Variants in MYT1L observed in about 807,000 individuals in gnomAD.
MYT1L encodes the protein myelin transcription factor 1 like.
MYT1L carries 12 observed loss-of-function variants against 126.7 expected under a neutral mutation model. That is an observed-to-expected ratio of 0.09 (90% CI 0.06 to 0.15). MYT1L has a LOEUF of 0.15. Ranked by LOEUF, MYT1L falls within the 10% of genes least tolerant of loss-of-function variation. MYT1L has a pLI of 1.00. For missense variants in MYT1L, 979 were observed against 1,585.2 expected (o/e 0.62, Z 6.49); for synonymous variants, 541 against 604.2 (o/e 0.90, Z 1.53).
chr2:2,208,855 C>G (rs1386048947), intron 2 of MYT1L, among the ~76,000 whole-genome samples: 1 of 152,168 alleles, frequency 6.6e-6, no homozygotes, highest in Non-Finnish European at 1.5e-5. Context: ...TAAACCTATA[C>G]ATTGGTTACT....
intron 8 of MYT1L, among the ~76,000 whole-genome samples, chr2:1,945,494 C>T (rs1438457583): frequency 4.0e-5 from 6 of 151,874 alleles, no homozygotes; most frequent in African/African-American, 1.4e-4. Flanking sequence ...TGGGAGAGAG[C>T]GTGAGAGCAG....
rs1197503985 is a variant in MYT1L at position 1,829,328 on chromosome 2, C to T, written c.3080+9821G>A. Reference sequence around the variant, plus strand: ...TCCCATACACCTGTGAACTGACCCTCCCATACACCTGTGAACTGACCCTCC... The same window carrying T: ...TCCCATACACCTGTGAACTGACCCTTCCATACACCTGTGAACTGACCCTCC... On this transcript the variant is annotated intron_variant, in intron 21 of 24. Transcript: ENST00000647738. 5.6e-5 allele frequency among the ~76,000 whole-genome samples: 7 copies of T among 124,206 alleles called. No homozygotes were observed. The East Asian group carries it at 1.5e-3, about 27-fold the overall frequency. 81.5% of individuals were successfully genotyped at this position (124,206 alleles called of 152,430 possible).
At chr2:2,287,442 A>C (rs2095538985) in intron 1 of MYT1L, among the ~76,000 whole-genome samples, 1 of 152,244 alleles carries the variant, frequency 6.6e-6, no homozygotes, top group Non-Finnish European at 1.5e-5. Flanking sequence ...TTCTGGACGT[A>C]AGACCTGTTC....
At chr2:1,884,236 A>G (rs1042961177) in intron 18 of MYT1L, 1 of 152,260 alleles carries the variant, frequency 6.6e-6, no homozygotes, top group African/African-American at 2.4e-5. Context: ...TTTATGAACG[A>G]TTAGAGACTG....
intron 21 of MYT1L, among the ~76,000 whole-genome samples, chr2:1,821,469 T>A (rs2038515752): frequency 6.6e-6 from 1 of 152,240 alleles, no homozygotes; most frequent in Non-Finnish European, 1.5e-5. Context: ...ATGAATACAA[T>A]ATATTTTAAT....
In MYT1L at chr2:1,938,943, T is replaced by C. The variant is rs545814442; in HGVS notation, c.505+4039A>G. Among the ~76,000 whole-genome samples the C allele has an allele frequency of 4.6e-5, 7 of 152,364 alleles. No individual in the cohort carries two copies. The South Asian group carries it at 1.4e-3, about 32-fold the overall frequency. ...GTAATAATCTGGGGGTTTGTATACA[T>C]TTGTTTTATCTGAAACAAAACCTCT... On this transcript the variant is annotated intron_variant, in intron 9 of 24. Transcript: ENST00000647738.
chr2:2,254,852 CTACT>C (rs1192238105), intron 2 of MYT1L, among the ~76,000 whole-genome samples: 1 of 152,296 alleles, frequency 6.6e-6, no homozygotes, highest in East Asian at 1.9e-4. Flanking sequence ...ACAGCCCCAA[CTACT>C]TCCCATTTTT....
At position 1,887,451 on chromosome 2, in the gene MYT1L, T is replaced by C. The variant is rs772452102; in HGVS notation, c.2642+37A>G. The C allele has an allele frequency of 1.2e-6, 2 of 1,613,748 alleles. No homozygotes were observed. The highest frequency in any genetic ancestry group is 8.5e-7 in the Non-Finnish European group (1 of 1,179,698). On this transcript the variant is annotated intron_variant, in intron 17 of 24. Coordinates refer to ENST00000647738, the MANE Select transcript of MYT1L (RefSeq NM_001303052.2). The surrounding 1 kb of genome is among the most constrained non-coding windows in gnomAD (Gnocchi z 4.8). ...AAAATCAGCCAAAGAATGGGAAGAT[T>C]AAGAAGATTCATAATTTCACCTCAC...
At chr2:2,019,131 A>G (rs2064761274) in intron 4 of MYT1L, among the ~76,000 whole-genome samples, 3 of 152,078 alleles carry the variant, frequency 2.0e-5, no homozygotes, top group Admixed American at 1.3e-4. Context: ...CCCCACCCAA[A>G]TCTCATCTTG....
intron 2 of MYT1L, among the ~76,000 whole-genome samples, chr2:2,268,842 G>T (rs1222348606): frequency 6.6e-6 from 1 of 152,126 alleles, no homozygotes; most frequent in African/African-American, 2.4e-5. Context: ...TTAGTTATTA[G>T]CCTAAGTAAA....
rs185583700 is a variant in MYT1L at position 2,159,119 on chromosome 2, A to T, written c.-304+13753T>A. On this transcript the variant is annotated intron_variant, in intron 3 of 24. Coordinates refer to ENST00000647738, the MANE Select transcript of MYT1L (RefSeq NM_001303052.2). ...GCTGTAGCAATCAGCCGGCACGGGG[A>T]CATGTGAAGAGCTCCTGAGACTCCC... Among the ~76,000 whole-genome samples the T allele has an allele frequency of 5.3e-4, 80 of 152,202 alleles. 2 individuals are homozygous for T. Among genetic ancestry groups the T allele is most frequent in the Admixed American group, 2.0e-3 (30 of 15,284 alleles).
At chr2:1,902,019 C>T (rs1026524686) in intron 14 of MYT1L, among the ~76,000 whole-genome samples, 3 of 152,180 alleles carry the variant, frequency 2.0e-5, no homozygotes, top group Admixed American at 6.5e-5. Context: ...TTTCCTTCCC[C>T]TGTGCTAGAG....
chr2:1,948,938 T>G (rs754966165), intron 8 of MYT1L, among the ~76,000 whole-genome samples: 1 of 147,112 alleles, frequency 6.8e-6, no homozygotes, highest in Non-Finnish European at 1.5e-5. Context: ...TATTTTTATA[T>G]CTTTAGGATA....
chr2:2,123,321 TGTGA>T (rs922729317), intron 3 of MYT1L, among the ~76,000 whole-genome samples: 3 of 152,200 alleles, frequency 2.0e-5, no homozygotes, highest in Admixed American at 6.5e-5. Context: ...GGATAAAGTA[TGTGA>T]GTATCTTACA....
chr2:2,237,767 G>A (rs1403667701), intron 2 of MYT1L, among the ~76,000 whole-genome samples: 1 of 152,082 alleles, frequency 6.6e-6, no homozygotes, highest in African/African-American at 2.4e-5. Flanking sequence ...CATTGCTCAG[G>A]GTCACGTGGG....
At chr2:2,016,339 G>A (rs1416303814) in intron 4 of MYT1L, among the ~76,000 whole-genome samples, 7 of 152,208 alleles carry the variant, frequency 4.6e-5, no homozygotes, top group African/African-American at 7.2e-5. Context: ...AAGACTGGCC[G>A]GGAAGCTGTC....
chr2:2,093,495 G>C (rs567825844), intron 3 of MYT1L, among the ~76,000 whole-genome samples: 1 of 151,988 alleles, frequency 6.6e-6, no homozygotes, highest in Admixed American at 6.5e-5. Context: ...CTTCTTTTGA[G>C]AAGTGTCTGT....
intron 18 of MYT1L, among the ~76,000 whole-genome samples, chr2:1,869,088 T>C (rs9973708): frequency 0.13 from 19,471 of 152,292 alleles, 1,307 homozygotes; most frequent in Non-Finnish European, 0.13. Flanking sequence ...CACCAGGGCA[T>C]GGTCTGTGCC....
At chr2:2,177,091 TTC>T (rs2090888236) in intron 2 of MYT1L, among the ~76,000 whole-genome samples, 1 of 152,246 alleles carries the variant, frequency 6.6e-6, no homozygotes, top group Non-Finnish European at 1.5e-5. Flanking sequence ...GATGAGAGCC[TTC>T]CCCGTCTGCT....
Sources: gnomAD v4.1 joint callset for allele counts (sites outside exome capture counted in the v4.1 genomes callset) on GRCh38, gnomAD v4.1.1 for gene constraint, Gnocchi (gnomAD v3.1) non-coding constraint, MANE v1.5 for transcripts, NCBI Gene and HGNC (gene_info 2026-07-23, HGNC 2026-07-21) for gene names.